Variants in TRIM44 observed in about 807,000 individuals in gnomAD.
TRIM44 encodes tripartite motif-containing protein 44.
TRIM44 carries 13 observed loss-of-function variants against 37.4 expected under a neutral mutation model. The ratio of observed to expected loss-of-function variants is 0.35; its 90% confidence interval spans 0.23 to 0.55. The LOEUF is 0.55. TRIM44 is among the 20% of genes least tolerant of loss of function. TRIM44 has a pLI of 0.89. For missense variants in TRIM44, 426 were observed against 437.2 expected (o/e 0.97, Z 0.23); for synonymous variants, 175 against 157.2 (o/e 1.11, Z -0.85).
intron 2 of TRIM44, among the ~76,000 whole-genome samples, chr11:35,685,951 C>T (rs534321151): frequency 9.2e-5 from 14 of 152,276 alleles, no homozygotes; most frequent in African/African-American, 1.4e-4. Flanking sequence ...TGTGAGCCAC[C>T]GCACCAGCTG....
At chr11:35,751,680 GA>G (rs555507759) in intron 4 of TRIM44, among the ~76,000 whole-genome samples, 2 of 152,184 alleles carry the variant, frequency 1.3e-5, no homozygotes, top group African/African-American at 2.4e-5. Context: ...AAGAGTGAAT[GA>G]AATAAAGGTA....
At chr11:35,710,180 T>C (rs1008466761) in intron 2 of TRIM44, among the ~76,000 whole-genome samples, 6 of 152,164 alleles carry the variant, frequency 3.9e-5, no homozygotes, top group Non-Finnish European at 8.8e-5. Context: ...AGGTTACAGT[T>C]CATCCACAAG....
In TRIM44 at chr11:35,707,612, A is replaced by G. The variant is rs968040379; in HGVS notation, c.748-18312A>G. Among the ~76,000 whole-genome samples, 77 of 147,958 alleles carry G rather than the reference A, an allele frequency of 5.2e-4. 1 individual carries two copies. The highest frequency in any genetic ancestry group is 3.5e-3 in the Middle Eastern group (1 of 288). Reference sequence around the variant, plus strand: ...AGAGCCCTCAGAAATAACGCCGCATATCTACAACTATCTGTTCTTTGACAA... The same window carrying G: ...AGAGCCCTCAGAAATAACGCCGCATGTCTACAACTATCTGTTCTTTGACAA... On this transcript the variant is annotated intron_variant, in intron 2 of 4. Coordinates refer to ENST00000299413, the MANE Select transcript of TRIM44 (RefSeq NM_017583.6).
intron 4 of TRIM44, among the ~76,000 whole-genome samples, chr11:35,756,139 A>T (rs1397453958): frequency 2.6e-5 from 4 of 152,222 alleles, no homozygotes; most frequent in Non-Finnish European, 5.9e-5. Flanking sequence ...ACGCATGAGC[A>T]TGGAATGTTC....
intron 4 of TRIM44, among the ~76,000 whole-genome samples, chr11:35,789,662 A>C (rs1456173142): frequency 1.3e-5 from 2 of 152,186 alleles, no homozygotes; most frequent in East Asian, 3.9e-4. Context: ...GAACCTTGTC[A>C]TCCAAATTAC....
chr11:35,677,992 C>G (rs1851478965), intron 1 of TRIM44, among the ~76,000 whole-genome samples: 1 of 152,154 alleles, frequency 6.6e-6, no homozygotes, highest in South Asian at 2.1e-4. Context: ...CATAGTGGTT[C>G]AACTGAAGGG....
rs1413988691 is a variant in TRIM44 at position 35,663,575 on chromosome 11, G to A, written c.464G>A (p.Gly155Glu). ...NQEEGESEAE[G>E]ETEAESEFDP... is the part of the protein sequence containing the mutation. ...GAAGAAGGGGAATCCGAGGCGGAGG[G>A]AGAAACTGAGGCAGAAAGTGAATTT... The change falls in exon 1 of 5, where the codon GGA becomes GAA. Residue 155 changes from glycine to glutamate, a missense_variant. Transcript: ENST00000299413. 3 of 1,614,114 alleles carry A rather than the reference G, an allele frequency of 1.9e-6. No homozygotes were observed. The highest frequency in any genetic ancestry group is 1.7e-6 in the Non-Finnish European group (2 of 1,180,012).
intron 3 of TRIM44, among the ~76,000 whole-genome samples, chr11:35,733,097 A>AT (rs1418255877): frequency 1.3e-5 from 2 of 152,290 alleles, no homozygotes; most frequent in East Asian, 3.9e-4. Context: ...TTTTACACAG[A>AT]TTTTCTCATT....
intron 1 of TRIM44, among the ~76,000 whole-genome samples, chr11:35,681,282 T>C (rs1416405745): frequency 1.3e-5 from 2 of 152,214 alleles, no homozygotes; most frequent in Non-Finnish European, 2.9e-5. Flanking sequence ...TTCAGTGAGA[T>C]GCCAATGAAA....
At chr11:35,777,214 CTTCT>C (rs1309106003) in intron 4 of TRIM44, among the ~76,000 whole-genome samples, 1 of 152,130 alleles carries the variant, frequency 6.6e-6, no homozygotes, top group Non-Finnish European at 1.5e-5. Flanking sequence ...ATGTAGTGGC[CTTCT>C]TTGTCTCTTT....
chr11:35,781,030 G>A (rs1853058218), intron 4 of TRIM44, among the ~76,000 whole-genome samples: 1 of 152,154 alleles, frequency 6.6e-6, no homozygotes, highest in Non-Finnish European at 1.5e-5. Flanking sequence ...ATAGTCATGT[G>A]AGAAAGCAAG....
rs1158423031 is a variant in TRIM44, at chr11:35,710,045, GCA to G, written c.748-15874_748-15873del. ...TTACAGTTCAGCAGTTGCCTTATTT[GCA>G]CACAGTTTGAACCCTCAGCAGTGTG... On this transcript the variant is annotated intron_variant, in intron 2 of 4. Transcript: ENST00000299413. 3.9e-5 allele frequency among the ~76,000 whole-genome samples: 6 copies of G among 152,250 alleles called. No homozygotes were observed. In the East Asian group the frequency reaches 1.2e-3, roughly 29 times the overall value.
At chr11:35,715,541 TGTTAAGGAAC>T (rs1285069902) in intron 2 of TRIM44, among the ~76,000 whole-genome samples, 1 of 151,946 alleles carries the variant, frequency 6.6e-6, no homozygotes, top group Non-Finnish European at 1.5e-5. Flanking sequence ...TTCATGAAGC[TGTTAAGGAAC>T]AATACAGAAT....
intron 1 of TRIM44, among the ~76,000 whole-genome samples, chr11:35,674,383 A>G (rs1851436603): frequency 6.6e-6 from 1 of 152,200 alleles, no homozygotes; most frequent in South Asian, 2.1e-4. Flanking sequence ...CAAGAATGAA[A>G]AAACCAAAAC....
At chr11:35,762,941 T>C (rs1258513367) in intron 4 of TRIM44, among the ~76,000 whole-genome samples, 3 of 152,194 alleles carry the variant, frequency 2.0e-5, no homozygotes, top group Non-Finnish European at 4.4e-5. Context: ...AGATGATCCA[T>C]TCATTCAGTT....
At chr11:35,685,729 T>A (rs924163404) in intron 2 of TRIM44, among the ~76,000 whole-genome samples, 1 of 152,048 alleles carries the variant, frequency 6.6e-6, no homozygotes, top group Non-Finnish European at 1.5e-5. Flanking sequence ...AGTGGCGCAA[T>A]CTTGGCTCAC....
At chr11:35,783,351 A>T (rs1384673233) in intron 4 of TRIM44, among the ~76,000 whole-genome samples, 1 of 152,150 alleles carries the variant, frequency 6.6e-6, no homozygotes, top group Non-Finnish European at 1.5e-5. Flanking sequence ...CACCTCACTG[A>T]TGTTGCCCAG....
intron 4 of TRIM44, among the ~76,000 whole-genome samples, chr11:35,800,633 A>G (rs1853354501): frequency 6.6e-6 from 1 of 152,168 alleles, no homozygotes; most frequent in African/African-American, 2.4e-5. Context: ...ACCTCTCAGT[A>G]CCGGGCATCA....
Position 35,807,268 on chromosome 11 carries a change from T to C in TRIM44, c.*883T>C, listed in dbSNP as rs1222563256. Reference sequence around the variant, plus strand: ...AAATGGGAATTTCCATTGTAGGTTTTTGCTAGTCCCACCCCCATTTTAGCC... The same window carrying C: ...AAATGGGAATTTCCATTGTAGGTTTCTGCTAGTCCCACCCCCATTTTAGCC... On this transcript the variant is annotated 3_prime_UTR_variant, in exon 5 of 5. Coordinates refer to ENST00000299413, the MANE Select transcript of TRIM44 (RefSeq NM_017583.6). The C allele has an allele frequency of 1.3e-5, 2 of 152,214 alleles. No individual in the cohort carries two copies. Among genetic ancestry groups the C allele is most frequent in the Non-Finnish European group, 2.9e-5 (2 of 68,034 alleles). 9.4% of individuals were successfully genotyped at this position (152,214 alleles called of 1,614,324 possible). A position where few individuals can be genotyped will look rare whatever the true frequency, so the allele number is the denominator to read the frequency against.
Sources: gnomAD v4.1 joint callset for allele counts (sites outside exome capture counted in the v4.1 genomes callset) on GRCh38, gnomAD v4.1.1 for gene constraint, MANE v1.5 for transcripts, NCBI Gene and HGNC (gene_info 2026-07-23, HGNC 2026-07-21) for gene names.